The following ZFYVE9 variants were observed in gnomAD, a reference collection of about 807,000 sequenced individuals.
ZFYVE9 encodes the protein zinc finger FYVE-type containing 9.
ZFYVE9 carries 43 observed loss-of-function variants against 126.7 expected under a neutral mutation model. The ratio of observed to expected loss-of-function variants is 0.34; its 90% confidence interval spans 0.27 to 0.44. The LOEUF is 0.44. Ranked by LOEUF, ZFYVE9 falls within the 20% of genes least tolerant of loss-of-function variation. ZFYVE9 has a pLI of 1.00. For missense variants in ZFYVE9, 1,476 were observed against 1,697.0 expected, an observed-to-expected ratio of 0.87 and a Z score of 2.29; for synonymous variants, 521 against 597.4, an observed-to-expected ratio of 0.87 and a Z score of 1.87.
intron 17 of ZFYVE9, among the ~76,000 whole-genome samples, chr1:52,344,333 A>G (rs74346958): frequency 0.01 from 1,530 of 152,300 alleles, 21 homozygotes; most frequent in African/African-American, 0.035. Flanking sequence ...GAGCCAGTCA[A>G]TTCCCTTCTA....
chr1:52,287,017 G>C (rs184559002), intron 10 of ZFYVE9, among the ~76,000 whole-genome samples: 141 of 152,120 alleles, frequency 9.3e-4, no homozygotes, highest in Admixed American at 9.2e-3. Flanking sequence ...CTTTCTCCAT[G>C]AATTCTTTCT....
At chr1:52,289,839 G>C (rs1285360449) in intron 10 of ZFYVE9, among the ~76,000 whole-genome samples, 1 of 152,178 alleles carries the variant, frequency 6.6e-6, no homozygotes, top group Non-Finnish European at 1.5e-5. Flanking sequence ...AGTGGACTTC[G>C]TGAAGAATCT....
chr1:52,336,387 T>TC (rs71041895), intron 15 of ZFYVE9, among the ~76,000 whole-genome samples: 75 of 145,470 alleles, frequency 5.2e-4, no homozygotes, highest in Non-Finnish European at 8.4e-4. Context: ...TTTTTTTTTT[T>TC]AAGATGGAGG....
chr1:52,284,620 C>T (rs544452042), intron 10 of ZFYVE9, among the ~76,000 whole-genome samples: 4 of 152,150 alleles, frequency 2.6e-5, no homozygotes, highest in African/African-American at 4.8e-5. Flanking sequence ...GGGGTTTCAC[C>T]GTGTTAGCCA....
intron 1 of ZFYVE9, among the ~76,000 whole-genome samples, chr1:52,207,606 C>T (rs373276428): frequency 6.6e-6 from 1 of 152,288 alleles, no homozygotes; most frequent in South Asian, 2.1e-4. Context: ...TAAGGGTGTT[C>T]ATATTCAAAG....
At chr1:52,244,815 ACTAC>A (rs1179145858) in intron 4 of ZFYVE9, among the ~76,000 whole-genome samples, 3 of 152,198 alleles carry the variant, frequency 2.0e-5, no homozygotes, top group African/African-American at 4.8e-5. Context: ...CGTCTGTGCT[ACTAC>A]CTGTCTACCT....
At chr1:52,226,759 AGGC>A (rs2124612460) in intron 2 of ZFYVE9, among the ~76,000 whole-genome samples, 1 of 152,354 alleles carries the variant, frequency 6.6e-6, no homozygotes, top group African/African-American at 2.4e-5. Flanking sequence ...CTGTCCGGAA[AGGC>A]GGGACAATTC....
At chr1:52,286,169 A>C (rs1645857176) in intron 10 of ZFYVE9, among the ~76,000 whole-genome samples, 3 of 152,116 alleles carry the variant, frequency 2.0e-5, no homozygotes, top group Admixed American at 2.0e-4. Flanking sequence ...AAAAAAAAAA[A>C]AACGTATCGC....
chr1:52,340,987 A>G lies in ZFYVE9; in HGVS notation c.3939+756A>G, dbSNP rs139932773. On this transcript the variant is annotated intron_variant, in intron 17 of 18. Coordinates refer to ENST00000287727, the MANE Select transcript of ZFYVE9 (RefSeq NM_004799.4). Reference sequence around the variant, plus strand: ...TAATCCCAGCACTTTGAGGGAGACCAAGGTGAGCAGATCACCTGAGGTCTG... The same window carrying G: ...TAATCCCAGCACTTTGAGGGAGACCGAGGTGAGCAGATCACCTGAGGTCTG... Among the ~76,000 whole-genome samples, 589 of 151,242 alleles carry G rather than the reference A, an allele frequency of 3.9e-3. 3 individuals carry two copies. The highest frequency in any genetic ancestry group is 0.014 in the African/African-American group (561 of 41,200).
rs114270853 is a variant in ZFYVE9 at position 52,343,711 on chromosome 1, G to A, written c.3940-1057G>A. Among the ~76,000 whole-genome samples, 597 of 150,946 alleles carry A rather than the reference G, an allele frequency of 4.0e-3. 3 individuals are homozygous for A. Among genetic ancestry groups the A allele is most frequent in the African/African-American group, 0.014 (568 of 40,948 alleles). ...GTGGAGGTTGCACTGAACTGAGATC[G>A]CACCACCGCACTCCAGCCTGGGCGG... On this transcript the variant is annotated intron_variant, in intron 17 of 18. Transcript: ENST00000287727.
At chr1:52,287,897 GT>G (rs1414797893) in intron 10 of ZFYVE9, among the ~76,000 whole-genome samples, 1 of 151,872 alleles carries the variant, frequency 6.6e-6, no homozygotes, top group Non-Finnish European at 1.5e-5. Context: ...CATGGTTCAT[GT>G]TTTTATTTTA....
chr1:52,316,348 G>T (rs1011797616), intron 13 of ZFYVE9, among the ~76,000 whole-genome samples: 3 of 151,318 alleles, frequency 2.0e-5, no homozygotes, highest in Admixed American at 2.0e-4. Context: ...GCTGGGCTTT[G>T]GTGGTGGGTG....
At chr1:52,188,928 TA>T (rs1199859818) in intron 1 of ZFYVE9, among the ~76,000 whole-genome samples, 7 of 152,002 alleles carry the variant, frequency 4.6e-5, no homozygotes, top group Non-Finnish European at 8.8e-5. Context: ...TATTTTATTT[TA>T]TTTTTATTTA....
intron 3 of ZFYVE9, among the ~76,000 whole-genome samples, chr1:52,234,007 C>G (rs1314918075): frequency 6.6e-6 from 1 of 152,102 alleles, no homozygotes; most frequent in Non-Finnish European, 1.5e-5. Context: ...TCTTAAACTC[C>G]TGGTGTCAAG....
intron 16 of ZFYVE9, 125 bp downstream of exon 16, chr1:52,338,059 G>A: frequency 1.6e-6 from 2 of 1,212,336 alleles, no homozygotes; most frequent in Non-Finnish European, 2.2e-6. Context: ...AGACTGCTTT[G>A]TATGCTTAAC....
At position 52,239,411 on chromosome 1, in the gene ZFYVE9, C is replaced by G. The variant is rs753133737; in HGVS notation, c.1994C>G (p.Ala665Gly). The change falls in exon 4 of 19, where the codon GCT (alanine) becomes GGT (glycine). Residue 665 changes from alanine to glycine, a missense_variant. Ala to Gly is a moderately conservative substitution (Grantham distance 60). Transcript: ENST00000287727. ...EISTRPCLAL[A>G]PDSPDNDLRA... ...TCCACTAGACCATGCCTTGCATTAGCTCCAGATAGCCCAGATAATGATCTC... is the reference window on the plus strand; with the variant it reads ...TCCACTAGACCATGCCTTGCATTAGGTCCAGATAGCCCAGATAATGATCTC... 2.5e-6 allele frequency: 4 copies of G among 1,614,166 alleles called. No individual in the cohort carries two copies. Among genetic ancestry groups the G allele is most frequent in the Admixed American group, 1.7e-5 (1 of 60,008 alleles).
chr1:52,266,803 G>A lies in ZFYVE9; in HGVS notation c.2427G>A (p.Val809=). ...SSPPPTVMVP[V]GVLKHPGAEV... ...CACCTCCCACTGTGATGGTACCTGT[G>A]GGAGTTTTAAAGCACCCTGGAGCAG... is the stretch of plus-strand genomic sequence containing the variant. Residue 809 remains valine, a synonymous_variant, in exon 6 of 19, where the codon GTG becomes GTA. Coordinates refer to ENST00000287727, the MANE Select transcript of ZFYVE9 (RefSeq NM_004799.4). The A allele has an allele frequency of 1.9e-6, 3 of 1,606,212 alleles. No individual in the cohort carries two copies. The highest frequency in any genetic ancestry group is 2.2e-5 in the East Asian group (1 of 44,546).
chr1:52,204,465 C>T (rs1045880687), intron 1 of ZFYVE9, among the ~76,000 whole-genome samples: 3 of 152,094 alleles, frequency 2.0e-5, no homozygotes, highest in Admixed American at 6.6e-5. Flanking sequence ...GTGGCACATG[C>T]CTGCTAATCC....
intron 1 of ZFYVE9, among the ~76,000 whole-genome samples, chr1:52,208,043 G>A (rs943726104): frequency 2.0e-5 from 3 of 152,212 alleles, no homozygotes; most frequent in African/African-American, 7.2e-5. Flanking sequence ...AGCATGGGCC[G>A]GGTATGGTGG....
Sources: allele counts gnomAD v4.1 joint callset (sites outside exome capture counted in the v4.1 genomes callset), GRCh38; gene constraint gnomAD v4.1.1; transcripts MANE v1.5; gene names NCBI Gene and HGNC (gene_info 2026-07-23, HGNC 2026-07-21).